Variants in LINGO2 observed in about 807,000 individuals in gnomAD.
LINGO2 encodes the protein leucine rich repeat and Ig domain containing 2.
A neutral mutation model predicts 30.6 loss-of-function variants in LINGO2; 14 were observed. That is an observed-to-expected ratio of 0.46 (90% confidence interval 0.30 to 0.72). The LOEUF (loss-of-function observed/expected upper bound fraction) is 0.72, where lower values mean the gene tolerates loss of function less well. Ranked by LOEUF, LINGO2 falls within the 30% of genes least tolerant of loss-of-function variation. The pLI is 0.07. For missense variants in LINGO2, 729 were observed against 751.7 expected (o/e 0.97, Z 0.35); for synonymous variants, 317 against 288.5 (o/e 1.10, Z -1.00).
At chr9:28,790,808 T>C in the LINGO2 span, among the ~76,000 whole-genome samples, 1 of 152,138 alleles carries the variant, frequency 6.6e-6, no homozygotes, top group Non-Finnish European at 1.5e-5. Context: ...AATTTAAACT[T>C]TTTCAAAGGT....
intron 5 of LINGO2, among the ~76,000 whole-genome samples, chr9:27,952,399 C>G (rs980204928): frequency 1.3e-5 from 2 of 151,698 alleles, no homozygotes; most frequent in Admixed American, 1.3e-4. Context: ...ATTTCTTTTT[C>G]CATAGAACAC....
Position 28,040,636 on chromosome 9 carries a change from A to T in LINGO2, c.-86-28231T>A, listed in dbSNP as rs184437919. ...TTCAAATACTGCTGCTGTTGGCTAT[A>T]ATACATTGAGTGTCTACTACCTAAT... On this transcript the variant is annotated intron_variant, in intron 4 of 5. Transcript: ENST00000379992. Among the ~76,000 whole-genome samples the T allele has an allele frequency of 1.3e-3, 194 of 152,248 alleles. 5 individuals carry two copies. The highest frequency in any genetic ancestry group is 0.013 in the Admixed American group (193 of 15,286).
At chr9:28,958,687 AATG>A in the LINGO2 span, among the ~76,000 whole-genome samples, 2 of 151,944 alleles carry the variant, frequency 1.3e-5, no homozygotes, top group African/African-American at 4.8e-5. Flanking sequence ...GTACACTGCA[AATG>A]ATAAGAAAGG....
At chr9:28,119,810 C>T (rs887765584) in intron 4 of LINGO2, among the ~76,000 whole-genome samples, 2 of 152,094 alleles carry the variant, frequency 1.3e-5, no homozygotes, top group African/African-American at 2.4e-5. Context: ...CCTGTGTTAC[C>T]CTTACCTTAG....
At chr9:29,205,288 C>G in the LINGO2 span, among the ~76,000 whole-genome samples, 2 of 152,106 alleles carry the variant, frequency 1.3e-5, no homozygotes, top group Non-Finnish European at 2.9e-5. Context: ...ATCCACCCAC[C>G]ACGGCCTCCC....
At chr9:28,273,283 T>C (rs1384642071) in intron 4 of LINGO2, among the ~76,000 whole-genome samples, 1 of 152,238 alleles carries the variant, frequency 6.6e-6, no homozygotes, top group Non-Finnish European at 1.5e-5. Flanking sequence ...AAGTTACTTA[T>C]TGTCCTATTT....
chr9:28,702,497 G>A, the LINGO2 span, among the ~76,000 whole-genome samples: 1 of 151,728 alleles, frequency 6.6e-6, no homozygotes, highest in Non-Finnish European at 1.5e-5. Context: ...ACTTGGTTCT[G>A]TTGTATAATT....
the LINGO2 span, among the ~76,000 whole-genome samples, chr9:29,070,742 C>CAA: frequency 1.3e-4 from 18 of 143,324 alleles, no homozygotes; most frequent in East Asian, 1.8e-3. Flanking sequence ...CACTATTTTC[C>CAA]AAAAAAAAAA....
intron 4 of LINGO2, among the ~76,000 whole-genome samples, chr9:28,013,399 C>T (rs1278874674): frequency 6.6e-6 from 1 of 152,184 alleles, no homozygotes; most frequent in Non-Finnish European, 1.5e-5. Flanking sequence ...ATCTGCTTAT[C>T]TGCTGTACTC....
At chr9:28,001,139 A>ATTTTTTTTTTTTT (rs925531889) in intron 5 of LINGO2, among the ~76,000 whole-genome samples, 1 of 151,836 alleles carries the variant, frequency 6.6e-6, no homozygotes, top group Non-Finnish European at 1.5e-5. Flanking sequence ...TTCCAAACAA[A>ATTTTTTTTTTTTT]TTTTTTTTTA....
chr9:28,401,653 T>C (rs1822270518), intron 2 of LINGO2, among the ~76,000 whole-genome samples: 1 of 152,208 alleles, frequency 6.6e-6, no homozygotes, highest in Non-Finnish European at 1.5e-5. Flanking sequence ...ATCTACCCAG[T>C]AATGGGATTG....
chr9:28,000,803 C>G (rs1418017189), intron 5 of LINGO2, among the ~76,000 whole-genome samples: 1 of 152,330 alleles, frequency 6.6e-6, no homozygotes, highest in African/African-American at 2.4e-5. Flanking sequence ...TTATTCTTCA[C>G]TCTAGCCTGA....
In LINGO2 at chr9:28,482,429, G is replaced by T. The variant is rs1446509643; in HGVS notation, c.-364-6404C>A. The stretch of plus-strand genomic sequence containing the variant: ...TGGCTGCATAAATGTCTTCTTCTGA[G>T]AAGTGTCTGTTCATGTCCTTTGCCC... On this transcript the variant is annotated intron_variant, in intron 1 of 5. Coordinates refer to ENST00000379992, the Ensembl canonical transcript of LINGO2. Among the ~76,000 whole-genome samples the T allele has an allele frequency of 8.5e-5, 13 of 152,196 alleles. No individual in the cohort carries two copies. In the East Asian group the frequency reaches 1.9e-3, roughly 23 times the overall value.
At chr9:28,443,693 G>C (rs993767113) in intron 2 of LINGO2, among the ~76,000 whole-genome samples, 1 of 152,216 alleles carries the variant, frequency 6.6e-6, no homozygotes, top group Non-Finnish European at 1.5e-5. Flanking sequence ...CTGGACTTTG[G>C]GTGCCAACGA....
At position 28,591,238 on chromosome 9, in the gene LINGO2, A is replaced by G. The variant is rs550054849; in HGVS notation, c.-365+78962T>C. ...ATGACTTAATGGGTGCAGCACACCA[A>G]CATGGCACATGTATACATATGTAAC... On this transcript the variant is annotated intron_variant, in intron 1 of 5. Coordinates refer to ENST00000379992, the Ensembl canonical transcript of LINGO2. Among the ~76,000 whole-genome samples, 99 of 152,090 alleles carry G rather than the reference A, an allele frequency of 6.5e-4. 1 individual carries two copies. The highest frequency in any genetic ancestry group is 2.3e-3 in the African/African-American group (95 of 41,500).
At chr9:28,726,559 A>C in the LINGO2 span, among the ~76,000 whole-genome samples, 37 of 152,216 alleles carry the variant, frequency 2.4e-4, no homozygotes, top group Admixed American at 2.3e-3. Context: ...GGTGTAGTAT[A>C]GATAATCTGG....
At chr9:28,072,885 G>A (rs937723112) in intron 4 of LINGO2, among the ~76,000 whole-genome samples, 1 of 151,972 alleles carries the variant, frequency 6.6e-6, no homozygotes, top group Admixed American at 6.6e-5. Flanking sequence ...CACTCTGATA[G>A]CACGATATGC....
the LINGO2 span, among the ~76,000 whole-genome samples, chr9:29,178,188 T>C: frequency 6.6e-6 from 1 of 152,052 alleles, no homozygotes; most frequent in Non-Finnish European, 1.5e-5. Context: ...CCCAAATAGC[T>C]GGGATTACAG....
intron 2 of LINGO2, among the ~76,000 whole-genome samples, chr9:28,375,906 C>G (rs963431164): frequency 6.6e-6 from 1 of 152,130 alleles, no homozygotes; most frequent in African/African-American, 2.4e-5. Context: ...CAAGCTATAT[C>G]CTACACCAAA....
Sources: allele counts gnomAD v4.1 joint callset (sites outside exome capture counted in the v4.1 genomes callset), GRCh38; gene constraint gnomAD v4.1.1; transcripts MANE v1.5; gene names NCBI Gene and HGNC (gene_info 2026-07-23, HGNC 2026-07-21).